Variants in THSD7B observed in about 807,000 individuals in gnomAD.
THSD7B encodes thrombospondin type-1 domain-containing protein 7B.
A neutral mutation model predicts 213.6 loss-of-function variants in THSD7B; 138 were observed. The observed-to-expected ratio is 0.65, with a 90% confidence interval of 0.56 to 0.74. The LOEUF is 0.74. Ranked by LOEUF, THSD7B falls within the 30% of genes least tolerant of loss-of-function variation. The pLI, the probability that THSD7B is intolerant of heterozygous loss-of-function variation, is 0.00. For missense variants in THSD7B, 1,931 were observed against 1,991.5 expected, an observed-to-expected ratio of 0.97 and a Z score of 0.58; for synonymous variants, 742 against 687.0, an observed-to-expected ratio of 1.08 and a Z score of -1.25.
chr2:137,181,362 G>A (rs978868974), intron 7 of THSD7B, among the ~76,000 whole-genome samples: 5 of 152,234 alleles, frequency 3.3e-5, no homozygotes, highest in South Asian at 2.1e-4. Context: ...AGCAAAATTC[G>A]ATACACCAAA....
chr2:137,327,004 C>G (rs1869325), intron 12 of THSD7B, among the ~76,000 whole-genome samples: 7,334 of 152,258 alleles, frequency 0.048, 212 homozygotes, highest in Non-Finnish European at 0.066. Flanking sequence ...CTTGTTGATT[C>G]TTTCCTGCAA....
At chr2:137,330,257 G>A (rs951718257) in intron 12 of THSD7B, among the ~76,000 whole-genome samples, 29 of 152,280 alleles carry the variant, frequency 1.9e-4, no homozygotes, top group South Asian at 8.3e-4. Flanking sequence ...ACCCCCACAC[G>A]GAGTCCCCAC....
chr2:137,395,964 G>A (rs1235821131), intron 12 of THSD7B, among the ~76,000 whole-genome samples: 2 of 152,146 alleles, frequency 1.3e-5, no homozygotes, highest in Non-Finnish European at 2.9e-5. Context: ...GGTGTTTGTA[G>A]TGTTCTCTGA....
chr2:137,315,490 T>C (rs965880063), intron 12 of THSD7B, among the ~76,000 whole-genome samples: 4 of 152,168 alleles, frequency 2.6e-5, no homozygotes, highest in Non-Finnish European at 4.4e-5. Flanking sequence ...TGCTGGGAGC[T>C]GTAGACCGGA....
chr2:137,342,110 T>A (rs574461481), intron 12 of THSD7B, among the ~76,000 whole-genome samples: 1 of 151,746 alleles, frequency 6.6e-6, no homozygotes, highest in South Asian at 2.1e-4. Flanking sequence ...GTGTGGACAT[T>A]TTAACAATAT....
At chr2:137,204,383 G>T (rs1680940725) in intron 7 of THSD7B, among the ~76,000 whole-genome samples, 1 of 152,016 alleles carries the variant, frequency 6.6e-6, no homozygotes, top group African/African-American at 2.4e-5. Context: ...TTCTCCAGGT[G>T]GTATTGTCTT....
intron 1 of THSD7B, among the ~76,000 whole-genome samples, chr2:136,871,430 A>G (rs1289382046): frequency 1.3e-5 from 2 of 152,282 alleles, no homozygotes; most frequent in East Asian, 3.9e-4. Context: ...CCAGAAATGG[A>G]GGCTGAAAAT....
intron 17 of THSD7B, among the ~76,000 whole-genome samples, chr2:137,581,403 C>T (rs1681571990): frequency 6.6e-6 from 1 of 152,144 alleles, no homozygotes; most frequent in Non-Finnish European, 1.5e-5. Context: ...GCCTTCCCAA[C>T]ATGGCAAAAC....
At chr2:137,550,877 G>A (rs1680833550) in intron 15 of THSD7B, among the ~76,000 whole-genome samples, 2 of 152,050 alleles carry the variant, frequency 1.3e-5, no homozygotes, top group Non-Finnish European at 2.9e-5. Flanking sequence ...GTAGAGTCCA[G>A]AGCTCAGTTC....
intron 5 of THSD7B, among the ~76,000 whole-genome samples, chr2:137,154,319 T>C (rs1342185772): frequency 6.6e-6 from 1 of 152,110 alleles, no homozygotes; most frequent in East Asian, 1.9e-4. Flanking sequence ...ATGAACTCCA[T>C]TATGCCTTGC....
chr2:136,792,168 T>C (rs1453142001), intron 1 of THSD7B, among the ~76,000 whole-genome samples: 1 of 152,060 alleles, frequency 6.6e-6, no homozygotes, highest in African/African-American at 2.4e-5. Flanking sequence ...AATTCCTGGA[T>C]TCAATCCAAG....
At chr2:136,964,550 C>CT (rs1164119917) in intron 2 of THSD7B, among the ~76,000 whole-genome samples, 3 of 152,166 alleles carry the variant, frequency 2.0e-5, no homozygotes, top group African/African-American at 4.8e-5. Flanking sequence ...TAACTACCCT[C>CT]TTTTTTTGCG....
At chr2:136,935,273 A>T (rs1362844632) in intron 2 of THSD7B, among the ~76,000 whole-genome samples, 1 of 151,982 alleles carries the variant, frequency 6.6e-6, no homozygotes, top group Non-Finnish European at 1.5e-5. Context: ...TTGAACACTG[A>T]TTTCACTACC....
intron 17 of THSD7B, among the ~76,000 whole-genome samples, chr2:137,606,716 G>T (rs1304241200): frequency 6.6e-6 from 1 of 152,000 alleles, no homozygotes; most frequent in African/African-American, 2.4e-5. Context: ...GGCTACTTTG[G>T]CTCGACTTTA....
intron 17 of THSD7B, among the ~76,000 whole-genome samples, chr2:137,594,795 G>C (rs941243821): frequency 1.3e-5 from 2 of 151,864 alleles, no homozygotes; most frequent in African/African-American, 4.8e-5. Flanking sequence ...TTATAGATCA[G>C]TTTGGAAAAG....
chr2:137,102,799 T>C (rs1202582455), intron 4 of THSD7B, among the ~76,000 whole-genome samples: 2 of 151,860 alleles, frequency 1.3e-5, no homozygotes, highest in East Asian at 3.9e-4. Context: ...AGATTGAAGA[T>C]CAACTTAATG....
intron 7 of THSD7B, among the ~76,000 whole-genome samples, chr2:137,221,898 A>G (rs1681379185): frequency 6.6e-6 from 1 of 152,220 alleles, no homozygotes; most frequent in Admixed American, 6.5e-5. Context: ...AGTACTTTGT[A>G]AAGGTATACC....
chr2:137,605,254 A>G (rs1256670787), intron 17 of THSD7B, among the ~76,000 whole-genome samples: 1 of 152,188 alleles, frequency 6.6e-6, no homozygotes, highest in Non-Finnish European at 1.5e-5. Flanking sequence ...CAAACTCATC[A>G]CATTCTCCTT....
chr2:137,494,756 C>A (rs1397672899), intron 15 of THSD7B, among the ~76,000 whole-genome samples: 1 of 152,186 alleles, frequency 6.6e-6, no homozygotes, highest in Non-Finnish European at 1.5e-5. Context: ...GTAACCATGG[C>A]CCTTTGTGAT....
Sources: allele counts gnomAD v4.1 joint callset (sites outside exome capture counted in the v4.1 genomes callset), GRCh38; gene constraint gnomAD v4.1.1; transcripts MANE v1.5; gene names NCBI Gene and HGNC (gene_info 2026-07-23, HGNC 2026-07-21).